Variants in EIF6 observed in about 807,000 individuals in gnomAD.
EIF6 encodes eukaryotic translation initiation factor 6.
In EIF6, 10 loss-of-function variants were observed where a neutral mutation model predicts 25.5. The observed-to-expected ratio is 0.39, with a 90% CI of 0.24 to 0.66. The LOEUF (loss-of-function observed/expected upper bound fraction) is 0.66, where lower values mean the gene tolerates loss of function less well. Among genes scored for constraint, EIF6 ranks in the 30% least tolerant of loss-of-function variants. The pLI is 0.45. For synonymous variants in EIF6, 122 were observed against 122.6 expected, an observed-to-expected ratio of 1.00 and a Z score of 0.03; for missense variants, 246 against 315.4, an observed-to-expected ratio of 0.78 and a Z score of 1.67.
chr20:35,282,284 C>T (rs575219625), intron 3 of EIF6, among the ~76,000 whole-genome samples: 13 of 152,342 alleles, frequency 8.5e-5, no homozygotes, highest in Non-Finnish European at 1.6e-4. Context: ...CCACCATGCC[C>T]GGCCAGCAGC....
rs778014353 is a variant in EIF6 at position 35,279,971 on chromosome 20, G to A, written c.517C>T (p.Leu173=). 12 of 1,614,174 alleles carry A rather than the reference G, an allele frequency of 7.4e-6. No homozygotes were observed. The highest frequency in any genetic ancestry group is 4.5e-5 in the East Asian group (2 of 44,884). Residue 173 remains leucine (L), a synonymous_variant, in exon 5 of 7, where the codon CTG becomes TTG. Coordinates refer to ENST00000374450, the MANE Select transcript of EIF6 (RefSeq NM_002212.4). ...AGGGGGACTTGAAGAAGAGAGGACA[G>A]CTCATCCTGGTCTTCAATTGAAGTC... ...PKTSIEDQDE[L]SSLLQVPLVA... is the part of the protein sequence containing the mutation.
Position 35,284,763 on chromosome 20 carries a change from A to G in EIF6, c.-43T>C. The G allele has an allele frequency of 2.0e-6, 1 of 489,156 alleles. No individual in the cohort carries two copies. Among genetic ancestry groups the G allele is most frequent in the Non-Finnish European group, 3.7e-6 (1 of 273,006 alleles). The allele number at this position is 489,156 out of a possible 1,614,324, so 30.3% of individuals were successfully genotyped here. On this transcript the variant is annotated 5_prime_UTR_variant, in exon 1 of 7. Coordinates refer to ENST00000374450, the MANE Select transcript of EIF6 (RefSeq NM_002212.4). ...AACAAGCTCCGCACGCGGCGACTGT[A>G]CCTTGGACTCCCTAAAAAGGTTTCC...
At position 35,284,252 on chromosome 20, in the gene EIF6, C is replaced by A; in HGVS notation, c.117G>T (p.Glu39Asp). ...CGGGGATGGTATCGGAGAGCTCGCC[C>A]TCGAACACACTGTAGGGACATGGAC... ...GGSENFYSVF[E>D]GELSDTIPVV... Residue 39 changes from glutamate to aspartate, a missense_variant, in exon 3 of 7, where the codon GAG (glutamate) becomes GAT (aspartate). By Grantham distance (45) the Glu-to-Asp change is conservative. Transcript: ENST00000374450. 3 of 1,613,296 alleles carry A rather than the reference C, an allele frequency of 1.9e-6. No individual in the cohort carries two copies. Among genetic ancestry groups the A allele is most frequent in the Non-Finnish European group, 2.5e-6 (3 of 1,179,938 alleles).
chr20:35,282,705 G>A (rs950584215), intron 3 of EIF6, among the ~76,000 whole-genome samples: 2 of 151,628 alleles, frequency 1.3e-5, no homozygotes, highest in Non-Finnish European at 2.9e-5. Context: ...CACCTCCAGG[G>A]TTCAAGCAAT....
Position 35,284,230 on chromosome 20 carries a change from G to C in EIF6, c.139C>G (p.Pro47Ala). ...CCGGCGATAGACGCGTGCACCACGG[G>C]GATGGTATCGGAGAGCTCGCCCTCG... ...VFEGELSDTIPVVHASIAGCR... is the reference protein window; with the variant it reads ...VFEGELSDTIAVVHASIAGCR... Residue 47 changes from proline to alanine, a missense_variant, in exon 3 of 7, where the codon CCC becomes GCC. Transcript: ENST00000374450. 1.2e-6 allele frequency: 2 copies of C among 1,608,790 alleles called. No homozygotes were observed. Among genetic ancestry groups the C allele is most frequent in the African/African-American group, 2.7e-5 (2 of 74,940 alleles).
In EIF6 at chr20:35,284,143, A is replaced by C. The variant is rs201262866; in HGVS notation, c.193+33T>G. 1.0e-5 allele frequency: 16 copies of C among 1,553,436 alleles called. No homozygotes were observed. The Admixed American group carries it at 1.4e-4, about 14-fold the overall frequency. On this transcript the variant is annotated intron_variant, in intron 3 of 6. Transcript: ENST00000374450. ...GTGTAATTAATGGTGCTTGGAGACCACTCCCTCCCTCGGCGTCCTCCACCT... is the reference window on the plus strand; with the variant it reads ...GTGTAATTAATGGTGCTTGGAGACCCCTCCCTCCCTCGGCGTCCTCCACCT...
Position 35,279,224 on chromosome 20 carries a change from C to A in EIF6, c.729-18G>T, listed in dbSNP as rs765186255. On this transcript the variant is annotated intron_variant, in intron 6 of 6. Transcript: ENST00000374450. ...AGGTGAGGCTGAAGAGAAAGGAAAG[C>A]GCACGGTCAGTAGCTGTTTCACAGA... 1 of 1,613,188 alleles carries A rather than the reference C, an allele frequency of 6.2e-7. No individual in the cohort carries two copies. Among genetic ancestry groups the A allele is most frequent in the Non-Finnish European group, 8.5e-7 (1 of 1,179,618 alleles).
At chr20:35,282,816 G>A (rs2060788334) in intron 3 of EIF6, among the ~76,000 whole-genome samples, 1 of 151,926 alleles carries the variant, frequency 6.6e-6, no homozygotes, top group Non-Finnish European at 1.5e-5. Context: ...CTCCATGTTG[G>A]TCAGGTTAGT....
intron 1 of EIF6, 35 bp from the exon 2 acceptor site, chr20:35,284,527 G>A (rs191566482): frequency 2.6e-5 from 41 of 1,565,364 alleles, no homozygotes; most frequent in South Asian, 1.3e-4. Flanking sequence ...CAAGGCCGGC[G>A]GATCCTTTCC....
intron 5 of EIF6, 90 bp from the exon 6 acceptor site, chr20:35,279,837 C>T: frequency 6.3e-7 from 1 of 1,590,868 alleles, no homozygotes; most frequent in Non-Finnish European, 8.6e-7. Context: ...CCTCCCTGAC[C>T]TGCAGCCCCA....
At position 35,280,087 on chromosome 20, in the gene EIF6, T is replaced by C. The variant is rs750826735; in HGVS notation, c.401A>G (p.Lys134Arg). 3 of 1,614,172 alleles carry C rather than the reference T, an allele frequency of 1.9e-6. No homozygotes were observed. The highest frequency in any genetic ancestry group is 2.2e-5 in the South Asian group (2 of 91,082). ...ETEEILADVL[K>R]VEVFRQTVAD... is the part of the protein sequence containing the mutation. Reference sequence around the variant, plus strand: ...CACTGTCTGTCTGAAGACTTCCACCTTGAGCACATCTGCCAGAATTTCTTC... The same window carrying C: ...CACTGTCTGTCTGAAGACTTCCACCCTGAGCACATCTGCCAGAATTTCTTC... Residue 134 changes from lysine to arginine, a missense_variant, in exon 5 of 7, where the codon AAG becomes AGG. Physicochemically the swap from Lys to Arg is conservative, Grantham distance 26. Transcript: ENST00000374450.
chr20:35,279,931 G>A lies in EIF6; in HGVS notation c.546+11C>T, dbSNP rs757748212. Reference sequence around the variant, plus strand: ...CTCGGGAGACGGGGTTCAGAGGACAGGAATGCTTACCACAAGGGGGACTTG... The same window carrying A: ...CTCGGGAGACGGGGTTCAGAGGACAAGAATGCTTACCACAAGGGGGACTTG... On this transcript the variant is annotated intron_variant, in intron 5 of 6. Transcript: ENST00000374450. 11 of 1,612,740 alleles carry A rather than the reference G, an allele frequency of 6.8e-6. 1 individual carries two copies. Among genetic ancestry groups the A allele is most frequent in the South Asian group, 2.2e-5 (2 of 91,042 alleles).
In EIF6 at chr20:35,280,053, C is replaced by T; in HGVS notation, c.435G>A (p.Gln145=). 6.2e-7 allele frequency: 1 copy of T among 1,614,222 alleles called. No homozygotes were observed. Among genetic ancestry groups the T allele is most frequent in the South Asian group, 1.1e-5 (1 of 91,090 alleles). The change falls in exon 5 of 7, where the codon CAG becomes CAA. Residue 145 remains glutamine, a synonymous_variant. Coordinates refer to ENST00000374450, the MANE Select transcript of EIF6 (RefSeq NM_002212.4). The part of the protein sequence containing the change: ...VEVFRQTVAD[Q]VLVGSYCVFS... ...AGACACAGTAGCTTCCTACTAGCACCTGGTCGGCCACTGTCTGTCTGAAGA... is the reference window on the plus strand; with the variant it reads ...AGACACAGTAGCTTCCTACTAGCACTTGGTCGGCCACTGTCTGTCTGAAGA...
Position 35,279,063 on chromosome 20 carries a change from T to C in EIF6, c.*134A>G. 1 of 1,123,168 alleles carries C rather than the reference T, an allele frequency of 8.9e-7. No individual in the cohort carries two copies. Among genetic ancestry groups the C allele is most frequent in the Non-Finnish European group, 1.3e-6 (1 of 751,938 alleles). 69.6% of individuals were successfully genotyped at this position (1,123,168 alleles called of 1,614,324 possible). ...GCGATAAGCACAGGTGGAAAAGGGT[T>C]GGGTGCCCAGCCCCTCAGTCCCAGT... is the stretch of plus-strand genomic sequence containing the variant. On this transcript the variant is annotated 3_prime_UTR_variant, in exon 7 of 7. Transcript: ENST00000374450.
At chr20:35,283,500 G>C (rs1312482756) in intron 3 of EIF6, among the ~76,000 whole-genome samples, 2 of 152,160 alleles carry the variant, frequency 1.3e-5, no homozygotes, top group Non-Finnish European at 2.9e-5. Context: ...GGCAGGGAGA[G>C]ATGAGATACA....
At position 35,281,258 on chromosome 20, in the gene EIF6, C is replaced by T. The variant is rs60764252; in HGVS notation, c.194-429G>A. Among the ~76,000 whole-genome samples, 1,509 of 151,680 alleles carry T rather than the reference C, an allele frequency of 9.9e-3. 27 individuals are homozygous for T. The highest frequency in any genetic ancestry group is 0.034 in the African/African-American group (1,388 of 41,360). On this transcript the variant is annotated intron_variant, in intron 3 of 6. Coordinates refer to ENST00000374450, the MANE Select transcript of EIF6 (RefSeq NM_002212.4). ...AAAATTAGCCAGGCGTGGTGGCGGG[C>T]GCCTGTAGTCCCAGCTACTCGGGAG...
In EIF6 at chr20:35,279,152, C is replaced by A. The variant is rs770309157; in HGVS notation, c.*45G>T. On this transcript the variant is annotated 3_prime_UTR_variant, in exon 7 of 7. Transcript: ENST00000374450. The stretch of plus-strand genomic sequence containing the variant: ...TTGGGCGGAATGTGGAGAAGGTTGG[C>A]CACAGTCCAGAGCCAGGAGCCCATG... The A allele has an allele frequency of 6.2e-7, 1 of 1,613,538 alleles. No homozygotes were observed. The highest frequency in any genetic ancestry group is 1.1e-5 in the South Asian group (1 of 91,008).
Position 35,280,639 on chromosome 20 carries a change from G to A in EIF6, c.369+15C>T, listed in dbSNP as rs374704069. 136 of 1,611,672 alleles carry A rather than the reference G, an allele frequency of 8.4e-5. No individual in the cohort carries two copies. In the African/African-American group the frequency reaches 1.7e-3, roughly 20 times the overall value. ...GATGGCCCTGTGACTCTTGGGTCAA[G>A]TTGGGCTGCCTCACCCTGTCCAAGT... On this transcript the variant is annotated intron_variant, in intron 4 of 6. Transcript: ENST00000374450.
Position 35,279,122 on chromosome 20 carries a change from A to G in EIF6, c.*75T>C. Reference sequence around the variant, plus strand: ...TGCCACCTCCCTGCCAGCATCCGGTACAGATTGGGCGGAATGTGGAGAAGG... The same window carrying G: ...TGCCACCTCCCTGCCAGCATCCGGTGCAGATTGGGCGGAATGTGGAGAAGG... On this transcript the variant is annotated 3_prime_UTR_variant, in exon 7 of 7. Transcript: ENST00000374450. 3 of 1,597,222 alleles carry G rather than the reference A, an allele frequency of 1.9e-6. No homozygotes were observed. Among genetic ancestry groups the G allele is most frequent in the Admixed American group, 3.3e-5 (2 of 59,784 alleles).
Sources: gnomAD v4.1 joint callset for allele counts (sites outside exome capture counted in the v4.1 genomes callset) on GRCh38, gnomAD v4.1.1 for gene constraint, MANE v1.5 for transcripts, NCBI Gene and HGNC (gene_info 2026-07-23, HGNC 2026-07-21) for gene names.